RARB: variants seen among roughly 807,000 people sequenced by gnomAD.
The protein encoded by RARB is HBV-activated protein.
In RARB, 17 loss-of-function variants were observed where a neutral mutation model predicts 51.9. The observed-to-expected ratio is 0.33, with a 90% CI of 0.22 to 0.49. RARB has a LOEUF of 0.49. Ranked by LOEUF, RARB falls within the 20% of genes least tolerant of loss-of-function variation. The probability of loss-of-function intolerance (pLI) is 0.99; values close to 1 mark genes in which losing one functional copy is unlikely to be tolerated. For synonymous variants in RARB, 215 were observed against 195.4 expected, an observed-to-expected ratio of 1.10 and a Z score of -0.84; for missense variants, 369 against 550.8, an observed-to-expected ratio of 0.67 and a Z score of 3.30.
intron 2 of RARB, among the ~76,000 whole-genome samples, chr3:24,912,972 A>ATTTTT (rs71622787): frequency 0.024 from 1,353 of 57,272 alleles, 70 homozygotes; most frequent in African/African-American, 0.056. Context: ...CAAGGTACTG[A>ATTTTT]TTCTTTTTTT....
At chr3:24,943,192 T>C (rs1211336579) in intron 2 of RARB, among the ~76,000 whole-genome samples, 3 of 152,208 alleles carry the variant, frequency 2.0e-5, no homozygotes, top group Non-Finnish European at 4.4e-5. Flanking sequence ...TGTAAAATAC[T>C]TCCGAGTTTA....
chr3:25,450,807 C>T (rs1395853270), intron 1 of RARB, among the ~76,000 whole-genome samples: 6 of 152,216 alleles, frequency 3.9e-5, no homozygotes, highest in East Asian at 1.9e-4. Context: ...CCTACCCGGC[C>T]GGGTGCGGTG....
intron 1 of RARB, among the ~76,000 whole-genome samples, chr3:25,452,037 A>G (rs547818903): frequency 5.3e-5 from 8 of 152,224 alleles, no homozygotes; most frequent in Non-Finnish European, 1.0e-4. Flanking sequence ...TCGTCTACAC[A>G]TGACTCCCGA....
At chr3:25,221,261 A>G (rs995011693) in intron 5 of RARB, among the ~76,000 whole-genome samples, 3 of 149,376 alleles carry the variant, frequency 2.0e-5, no homozygotes, top group Non-Finnish European at 2.9e-5. Flanking sequence ...AGGAAAAAAC[A>G]TTTTTGCAAG....
intron 3 of RARB, among the ~76,000 whole-genome samples, chr3:25,085,177 A>T (rs1553631592): frequency 6.6e-6 from 1 of 152,148 alleles, no homozygotes; most frequent in Non-Finnish European, 1.5e-5. Context: ...ATCAGTTGGG[A>T]TTTATTCTTT....
intron 2 of RARB, among the ~76,000 whole-genome samples, chr3:25,031,835 T>G (rs2125290372): frequency 6.6e-6 from 1 of 152,308 alleles, no homozygotes; most frequent in East Asian, 1.9e-4. Context: ...TACTCCAGTT[T>G]TAGGGATTAA....
chr3:24,958,074 C>T (rs1271181793), intron 2 of RARB, among the ~76,000 whole-genome samples: 1 of 152,066 alleles, frequency 6.6e-6, no homozygotes, highest in Non-Finnish European at 1.5e-5. Context: ...ACATCTGGCT[C>T]TTGTGAACCC....
intron 5 of RARB, among the ~76,000 whole-genome samples, chr3:25,268,381 C>G: frequency 1.1e-5 from 1 of 87,656 alleles, no homozygotes; most frequent in Admixed American, 1.5e-4. Context: ...CACAGTCCCC[C>G]AGAAAATAGA....
chr3:25,209,194 G>A (rs1254966439), intron 5 of RARB, among the ~76,000 whole-genome samples: 1 of 152,186 alleles, frequency 6.6e-6, no homozygotes, highest in African/African-American at 2.4e-5. Flanking sequence ...TCGGTCAGTT[G>A]GAACTCCATT....
At chr3:25,004,879 T>C (rs1697237442) in intron 2 of RARB, among the ~76,000 whole-genome samples, 1 of 152,168 alleles carries the variant, frequency 6.6e-6, no homozygotes, top group African/African-American at 2.4e-5. Context: ...TATCTTCAAA[T>C]AGTGTCAGAA....
At chr3:24,913,703 A>C (rs1444220308) in intron 2 of RARB, among the ~76,000 whole-genome samples, 1 of 152,222 alleles carries the variant, frequency 6.6e-6, no homozygotes, top group African/African-American at 2.4e-5. Flanking sequence ...TTCAATAGCC[A>C]ACAAAAAATT....
chr3:25,547,546 A>G (rs74502621), intron 3 of RARB, among the ~76,000 whole-genome samples: 6,283 of 152,318 alleles, frequency 0.041, 163 homozygotes, highest in Non-Finnish European at 0.062. Flanking sequence ...TTTTCTGCCA[A>G]CCTAGTGAAC....
chr3:24,861,503 T>G (rs902034678), intron 2 of RARB, among the ~76,000 whole-genome samples: 2 of 151,872 alleles, frequency 1.3e-5, no homozygotes, highest in African/African-American at 4.8e-5. Context: ...CAGTTATGCC[T>G]ATTGATATTT....
intron 5 of RARB, among the ~76,000 whole-genome samples, chr3:25,353,086 A>G (rs1413470532): frequency 6.6e-6 from 1 of 152,158 alleles, no homozygotes; most frequent in African/African-American, 2.4e-5. Flanking sequence ...TGAAGTTTCT[A>G]ACTGCCTTTT....
At chr3:25,565,271 G>A (rs1354309354) in intron 3 of RARB, among the ~76,000 whole-genome samples, 1 of 152,118 alleles carries the variant, frequency 6.6e-6, no homozygotes, top group African/African-American at 2.4e-5. Flanking sequence ...TTTCTCATCT[G>A]CAAAATGGGT....
At position 25,064,450 on chromosome 3, in the gene RARB, A is replaced by G. The variant is rs924877629; in HGVS notation, c.-328+4274A>G. Among the ~76,000 whole-genome samples the G allele has an allele frequency of 2.6e-5, 4 of 152,126 alleles. No homozygotes were observed. In the South Asian group the frequency reaches 6.2e-4, roughly 24 times the overall value. The stretch of plus-strand genomic sequence containing the variant: ...TAGCATTTTTAAATGTCTTTTTCAC[A>G]TACAGTTGTAAGTTATCCAAAAAAG... On this transcript the variant is annotated intron_variant, in intron 3 of 11. Coordinates refer to the RARB transcript ENST00000383772.
At chr3:25,133,915 T>C (rs1176430411) in intron 4 of RARB, among the ~76,000 whole-genome samples, 1 of 151,062 alleles carries the variant, frequency 6.6e-6, no homozygotes, top group Non-Finnish European at 1.5e-5. Context: ...TACAGTCCTG[T>C]TTGAACAAAA....
intron 3 of RARB, among the ~76,000 whole-genome samples, chr3:25,562,187 C>A (rs545127083): frequency 1.7e-4 from 26 of 151,922 alleles, no homozygotes; most frequent in Middle Eastern, 6.8e-3. Context: ...TTTGGCACAG[C>A]GAAGAATTTC....
At chr3:25,015,085 A>T (rs774518076) in intron 2 of RARB, among the ~76,000 whole-genome samples, 17 of 152,164 alleles carry the variant, frequency 1.1e-4, no homozygotes, top group Non-Finnish European at 2.4e-4. Flanking sequence ...TGCCCTGAAA[A>T]ATCTGGCTTT....
Sources: allele counts gnomAD v4.1 joint callset (sites outside exome capture counted in the v4.1 genomes callset), GRCh38; gene constraint gnomAD v4.1.1; transcripts MANE v1.5; gene names NCBI Gene and HGNC (gene_info 2026-07-23, HGNC 2026-07-21).